Variants in MINDY2 observed in about 807,000 individuals in gnomAD.
MINDY2 encodes MINDY lysine 48 deubiquitinase 2.
A neutral mutation model predicts 68.2 loss-of-function variants in MINDY2; 52 were observed. The observed-to-expected ratio is 0.76, with a 90% confidence interval of 0.61 to 0.96. MINDY2 has a LOEUF of 0.96. Among genes scored for constraint, MINDY2 ranks in the 40% least tolerant of loss-of-function variants. The pLI is 0.00. For synonymous variants in MINDY2, 372 were observed against 303.0 expected (o/e 1.23, Z -2.36); for missense variants, 881 against 773.4 (o/e 1.14, Z -1.65).
intron 5 of MINDY2, among the ~76,000 whole-genome samples, chr15:58,828,988 A>G (rs561164084): frequency 2.0e-5 from 3 of 152,298 alleles, no homozygotes; most frequent in African/African-American, 7.2e-5. Flanking sequence ...ATCAATTACA[A>G]TAACAATAAA....
In MINDY2 at chr15:58,810,343, T is replaced by A; in HGVS notation, c.1077T>A (p.Asp359Glu). The A allele has an allele frequency of 6.2e-7, 1 of 1,612,826 alleles. No individual in the cohort carries two copies. Among genetic ancestry groups the A allele is most frequent in the African/African-American group, 1.3e-5 (1 of 75,022 alleles). The change falls in exon 4 of 9, where the codon GAT becomes GAA. Residue 359 changes from aspartate to glutamate, a missense_variant. Asp to Glu is a conservative substitution (Grantham distance 45). Transcript: ENST00000559228. ...FEYTPECIVF[D>E]LLDIPLYHGW... The stretch of plus-strand genomic sequence containing the variant: ...ATACACCAGAATGCATAGTATTTGA[T>A]CTTCTTGATATTCCTTTGTACCATG...
Position 58,772,085 on chromosome 15 carries a change from G to A in MINDY2, c.690G>A (p.Leu230=), listed in dbSNP as rs371202388. The change falls in exon 1 of 9, where the codon CTG becomes CTA. Residue 230 remains leucine (L), a synonymous_variant. Coordinates refer to ENST00000559228, the MANE Select transcript of MINDY2 (RefSeq NM_001040450.3). The part of the protein sequence containing the change: ...EEEGEETAQV[L]AASKERFPGQ... ...AGGGGGAGGAGACCGCTCAGGTGCTGGCGGCCTCCAAGGAACGCTTCCCGG... is the reference window on the plus strand; with the variant it reads ...AGGGGGAGGAGACCGCTCAGGTGCTAGCGGCCTCCAAGGAACGCTTCCCGG... 6.2e-7 allele frequency: 1 copy of A among 1,613,414 alleles called. No homozygotes were observed. Among genetic ancestry groups the A allele is most frequent in the Non-Finnish European group, 8.5e-7 (1 of 1,179,664 alleles).
At chr15:58,808,402 G>A (rs1317825669) in intron 3 of MINDY2, among the ~76,000 whole-genome samples, 2 of 152,046 alleles carry the variant, frequency 1.3e-5, no homozygotes, top group Non-Finnish European at 2.9e-5. Flanking sequence ...GGCAACCACT[G>A]ATCTTTTTTA....
At chr15:58,838,824 G>A (rs2032133427) in intron 6 of MINDY2, among the ~76,000 whole-genome samples, 1 of 151,652 alleles carries the variant, frequency 6.6e-6, no homozygotes, top group Admixed American at 6.6e-5. Flanking sequence ...CAAGTGATCT[G>A]CCCACCTTGA....
At position 58,775,793 on chromosome 15, in the gene MINDY2, G is replaced by A. The variant is rs149374496; in HGVS notation, c.840+3558G>A. Among the ~76,000 whole-genome samples the A allele has an allele frequency of 1.7e-3, 256 of 152,204 alleles. 1 individual carries two copies. Among genetic ancestry groups the A allele is most frequent in the African/African-American group, 5.8e-3 (239 of 41,524 alleles). ...GTTGAGTTGGAAATGTCCAGTGGGG[G>A]GCATAAAAATATAAATGTTCGTTAT... On this transcript the variant is annotated intron_variant, in intron 1 of 8. Coordinates refer to ENST00000559228, the MANE Select transcript of MINDY2 (RefSeq NM_001040450.3).
At chr15:58,802,446 G>A in intron 3 of MINDY2, 69 bp downstream of exon 3, 1 of 1,003,612 alleles carries the variant, frequency 1.0e-6, no homozygotes, top group Non-Finnish European at 1.5e-6. Context: ...TCTATTAGTA[G>A]CTGGCAGCAT....
chr15:58,771,708 C>T lies in MINDY2; in HGVS notation c.313C>T (p.Gln105Ter). The change falls in exon 1 of 9, where the codon CAG becomes TAG. Residue 105 changes from glutamine to a stop codon, truncating the protein, a stop_gained. Coordinates refer to ENST00000559228, the MANE Select transcript of MINDY2 (RefSeq NM_001040450.3). LOFTEE classifies it high-confidence loss of function. ...PAAAEAPLRG[Q>*]YKVTASPETA... ...TGCCGCCGAGGCGCCTCTGAGAGGG[C>T]AGTACAAGGTGACCGCCTCCCCGGA... 6.2e-7 allele frequency: 1 copy of T among 1,612,216 alleles called. No homozygotes were observed. Among genetic ancestry groups the T allele is most frequent in the Non-Finnish European group, 8.5e-7 (1 of 1,179,760 alleles).
chr15:58,837,870 G>A (rs1409393091), intron 6 of MINDY2, among the ~76,000 whole-genome samples: 1 of 148,766 alleles, frequency 6.7e-6, no homozygotes, highest in African/African-American at 2.5e-5. Context: ...TTGGGAGGCT[G>A]AGATGGGAGG....
intron 1 of MINDY2, among the ~76,000 whole-genome samples, 170 bp from the exon 2 acceptor site, chr15:58,787,736 C>CAAA (rs5812951): frequency 3.3e-4 from 31 of 92,844 alleles, no homozygotes; most frequent in African/African-American, 1.1e-3. Context: ...GAGTCCGTCT[C>CAAA]AAAAAAAAAA....
At chr15:58,808,014 C>T (rs570371468) in intron 3 of MINDY2, among the ~76,000 whole-genome samples, 31 of 152,002 alleles carry the variant, frequency 2.0e-4, no homozygotes, top group African/African-American at 7.0e-4. Context: ...TTTACACTCC[C>T]CACTCCCCTC....
intron 7 of MINDY2, among the ~76,000 whole-genome samples, chr15:58,851,416 T>G (rs1237934681): frequency 1.3e-5 from 2 of 152,122 alleles, no homozygotes; most frequent in Admixed American, 1.3e-4. Context: ...TATTTTATAT[T>G]GTTTTCTTTT....
chr15:58,823,372 C>T (rs1357300181), intron 5 of MINDY2, among the ~76,000 whole-genome samples: 1 of 151,894 alleles, frequency 6.6e-6, no homozygotes, highest in Non-Finnish European at 1.5e-5. Context: ...TTGCAGTAAA[C>T]ATATAAAGAT....
At chr15:58,802,292 A>T in intron 2 of MINDY2, 21 bp from the exon 3 acceptor site, 1 of 1,453,384 alleles carries the variant, frequency 6.9e-7, no homozygotes, top group Non-Finnish European at 9.4e-7. Context: ...CAATTTTACA[A>T]TTCTTTTTTT....
At chr15:58,852,922 G>GTTTTTTTTTTTTTTTTTTTT (rs746154698) in intron 8 of MINDY2, among the ~76,000 whole-genome samples, 4 of 48,930 alleles carry the variant, frequency 8.2e-5, no homozygotes, top group African/African-American at 3.0e-4. Context: ...TGCTGTTCCT[G>GTTTTTTTTTTTTTTTTTTTT]TTTTTTTTTT....
intron 4 of MINDY2, among the ~76,000 whole-genome samples, chr15:58,812,541 A>G (rs2030362248): frequency 6.6e-6 from 1 of 151,964 alleles, no homozygotes; most frequent in African/African-American, 2.4e-5. Flanking sequence ...TAAAATATCA[A>G]AACCAGGAAA....
chr15:58,808,199 T>C (rs2029950379), intron 3 of MINDY2, among the ~76,000 whole-genome samples: 1 of 152,208 alleles, frequency 6.6e-6, no homozygotes, highest in Non-Finnish European at 1.5e-5. Context: ...TCATTTATTA[T>C]TGATAAACTG....
At chr15:58,778,074 C>T (rs1455960966) in intron 1 of MINDY2, among the ~76,000 whole-genome samples, 1 of 152,016 alleles carries the variant, frequency 6.6e-6, no homozygotes, top group Admixed American at 6.6e-5. Context: ...TATTTTAGTG[C>T]TTACAAAGAT....
intron 6 of MINDY2, among the ~76,000 whole-genome samples, chr15:58,836,858 A>C (rs1221825517): frequency 6.6e-6 from 1 of 152,082 alleles, no homozygotes; most frequent in African/African-American, 2.4e-5. Context: ...GGGCTCAAGC[A>C]GTCTGCCCAA....
At chr15:58,844,538 C>G (rs547273562) in intron 6 of MINDY2, among the ~76,000 whole-genome samples, 2 of 117,218 alleles carry the variant, frequency 1.7e-5, no homozygotes, top group South Asian at 5.9e-4. Flanking sequence ...CCAGCCTGGG[C>G]GACAGAGCGA....
Sources: gnomAD v4.1 joint callset for allele counts (sites outside exome capture counted in the v4.1 genomes callset) on GRCh38, gnomAD v4.1.1 for gene constraint, MANE v1.5 for transcripts, NCBI Gene and HGNC (gene_info 2026-07-23, HGNC 2026-07-21) for gene names.